Variants in TTC7B observed in about 807,000 individuals in gnomAD.
TTC7B encodes tetratricopeptide repeat protein 7B.
Under a neutral mutation model 106.8 loss-of-function variants are expected in TTC7B, and 28 were observed. The observed-to-expected ratio is 0.26, with a 90% confidence interval of 0.19 to 0.36. The LOEUF is 0.36. TTC7B is among the 10% of genes least tolerant of loss of function. TTC7B has a pLI of 1.00. For missense variants in TTC7B, 862 were observed against 1,076.4 expected (o/e 0.80, Z 2.79); for synonymous variants, 405 against 430.6 (o/e 0.94, Z 0.74).
intron 9 of TTC7B, chr14:90,675,803 G>A (rs921191788): frequency 1.0e-5 from 1 of 98,194 alleles, no homozygotes; most frequent in East Asian, 9.8e-4. Flanking sequence ...TTAAAAAATA[G>A]GGATTTTTTT....
At chr14:90,708,200 A>G (rs1420822872) in intron 5 of TTC7B, among the ~76,000 whole-genome samples, 1 of 151,970 alleles carries the variant, frequency 6.6e-6, no homozygotes, top group Non-Finnish European at 1.5e-5. Context: ...GTGTTGATAT[A>G]GAAGCTACAG....
At chr14:90,796,495 G>C (rs1242030602) in intron 1 of TTC7B, among the ~76,000 whole-genome samples, 2 of 152,178 alleles carry the variant, frequency 1.3e-5, no homozygotes, top group Non-Finnish European at 2.9e-5. Context: ...CAGGCACTTG[G>C]CCTCCTTGAT....
rs1035637102 is a variant in TTC7B at position 90,578,005 on chromosome 14, C to G, written c.2310+101G>C. On this transcript the variant is annotated intron_variant, in intron 19 of 19. Coordinates refer to ENST00000328459, the MANE Select transcript of TTC7B (RefSeq NM_001010854.2). This position sits in a 1 kb window ranked among gnomAD's most constrained non-coding sequence, Gnocchi z 4.7. ...GCCTGGCAAGCTAACTGCATGGGGC[C>G]TTTGGAAGCAGAAGAGGGTGTGAGG... The G allele has an allele frequency of 5.0e-6, 7 of 1,406,074 alleles. No homozygotes were observed. Among genetic ancestry groups the G allele is most frequent in the Non-Finnish European group, 4.8e-6 (5 of 1,033,516 alleles). The allele number at this position is 1,406,074 out of a possible 1,614,324, so 87.1% of individuals were successfully genotyped here.
chr14:90,582,236 C>T (rs761735483), intron 18 of TTC7B, among the ~76,000 whole-genome samples: 7 of 152,332 alleles, frequency 4.6e-5, no homozygotes, highest in South Asian at 2.1e-4. Context: ...GCCTCTGAGG[C>T]GCCACTGGGA....
intron 17 of TTC7B, among the ~76,000 whole-genome samples, chr14:90,598,685 G>T (rs561328934): frequency 1.3e-5 from 2 of 152,344 alleles, no homozygotes; most frequent in South Asian, 2.1e-4. Context: ...ACACTGGGAC[G>T]GCTAGCTCAT....
chr14:90,572,815 C>T (rs142165638), intron 19 of TTC7B, among the ~76,000 whole-genome samples: 115 of 152,294 alleles, frequency 7.6e-4, no homozygotes, highest in South Asian at 7.1e-3. Context: ...CACCAAGCAG[C>T]GCTCCTGATC....
intron 15 of TTC7B, among the ~76,000 whole-genome samples, chr14:90,622,422 A>C (rs928798473): frequency 6.6e-6 from 1 of 151,562 alleles, no homozygotes; most frequent in Non-Finnish European, 1.5e-5. Context: ...CCCAGCCATG[A>C]ATCTAATTTA....
chr14:90,733,882 A>C (rs1889420750), intron 4 of TTC7B, among the ~76,000 whole-genome samples: 1 of 152,224 alleles, frequency 6.6e-6, no homozygotes, highest in African/African-American at 2.4e-5. Flanking sequence ...TGAATTGCAA[A>C]TGAGAAACTT....
chr14:90,744,487 TA>T (rs1396646865), intron 4 of TTC7B, among the ~76,000 whole-genome samples: 1 of 152,100 alleles, frequency 6.6e-6, no homozygotes, highest in Non-Finnish European at 1.5e-5. Flanking sequence ...TTTTGTATTT[TA>T]AGTAGAGATG....
chr14:90,538,241 C>CAGACGGATGGACGGATGGACGGATGAAT lies in TTC7B; in HGVS notation c.*3126_*3127insATTCATCCGTCCATCCGTCCATCCGTCT, dbSNP rs1566757416. The CAGACGGATGGACGGATGGACGGATGAAT allele has an allele frequency of 5.8e-4, 87 of 149,574 alleles. No homozygotes were observed. Among genetic ancestry groups the CAGACGGATGGACGGATGGACGGATGAAT allele is most frequent in the Non-Finnish European group, 1.0e-3 (69 of 67,476 alleles). 9.3% of individuals were successfully genotyped at this position (149,574 alleles called of 1,614,324 possible). ...GCGTCCTCATCTATTAATGGATGGACGGATGGATGGATGGATGGATGGATG... is the reference window on the plus strand; with the variant it reads ...GCGTCCTCATCTATTAATGGATGGACAGACGGATGGACGGATGGACGGATGAATGGATGGATGGATGGATGGATGGATG... On this transcript the variant is annotated 3_prime_UTR_variant, in exon 20 of 20. Coordinates refer to ENST00000328459, the MANE Select transcript of TTC7B (RefSeq NM_001010854.2).
intron 17 of TTC7B, chr14:90,601,897 C>T (rs757233181): frequency 4.2e-5 from 13 of 309,680 alleles, no homozygotes; most frequent in Non-Finnish European, 7.0e-5. Flanking sequence ...CAGGGCGATG[C>T]GGCGAGTTGC....
chr14:90,709,425 C>T (rs1403599293), intron 5 of TTC7B, among the ~76,000 whole-genome samples: 1 of 150,060 alleles, frequency 6.7e-6, no homozygotes, highest in Non-Finnish European at 1.5e-5. Context: ...TCTCAGCAAA[C>T]TATCACAAGG....
At chr14:90,587,198 C>A (rs971192377) in intron 18 of TTC7B, among the ~76,000 whole-genome samples, 2 of 152,196 alleles carry the variant, frequency 1.3e-5, no homozygotes, top group Admixed American at 6.5e-5. Context: ...CGGACTCAGG[C>A]AATCCTCCCA....
chr14:90,794,983 T>A (rs907779683), intron 1 of TTC7B, among the ~76,000 whole-genome samples: 1 of 151,870 alleles, frequency 6.6e-6, no homozygotes, highest in African/African-American at 2.4e-5. Context: ...CAGAACCCAC[T>A]AGCAAGAAAA....
intron 3 of TTC7B, among the ~76,000 whole-genome samples, chr14:90,778,793 G>T (rs1891117116): frequency 6.6e-6 from 1 of 152,228 alleles, no homozygotes; most frequent in African/African-American, 2.4e-5. Flanking sequence ...TCGAGAGCAA[G>T]GGCATTTTTT....
intron 6 of TTC7B, among the ~76,000 whole-genome samples, chr14:90,691,996 T>C (rs1887493003): frequency 6.6e-6 from 1 of 152,216 alleles, no homozygotes; most frequent in Non-Finnish European, 1.5e-5. Flanking sequence ...TTCCGTTACT[T>C]AGCATAAAGT....
chr14:90,706,320 A>C (rs984093414), intron 5 of TTC7B, among the ~76,000 whole-genome samples: 2 of 151,502 alleles, frequency 1.3e-5, no homozygotes, highest in African/African-American at 4.9e-5. Flanking sequence ...CTGCCACCAC[A>C]CCTGGCTAAT....
At chr14:90,783,993 G>C (rs1368713927) in intron 2 of TTC7B, among the ~76,000 whole-genome samples, 1 of 151,900 alleles carries the variant, frequency 6.6e-6, no homozygotes, top group Non-Finnish European at 1.5e-5. Context: ...GTAGAGGATG[G>C]AAAGCAAAAC....
intron 9 of TTC7B, among the ~76,000 whole-genome samples, chr14:90,662,877 T>G (rs1390553712): frequency 1.3e-5 from 2 of 152,190 alleles, no homozygotes; most frequent in Non-Finnish European, 2.9e-5. Context: ...CCAGATTCAA[T>G]GTATGAAAAC....
Sources: allele counts gnomAD v4.1 joint callset (sites outside exome capture counted in the v4.1 genomes callset), GRCh38; gene constraint gnomAD v4.1.1; non-coding constraint Gnocchi (gnomAD v3.1); transcripts MANE v1.5; gene names NCBI Gene and HGNC (gene_info 2026-07-23, HGNC 2026-07-21).